Variants in DRC10 observed in about 807,000 individuals in gnomAD.
DRC10 encodes the protein IQ domain-containing protein D.
the DRC10 span, chr12:113,195,610 G>GCTTGCCCTTCTC: frequency 1.2e-6 from 2 of 1,608,570 alleles, no homozygotes; most frequent in Non-Finnish European, 1.7e-6. Flanking sequence ...TTGCCTTTCT[G>GCTTGCCCTTCTC]CTTGCCCTTC....
At chr12:113,217,503 C>G in the DRC10 span, among the ~76,000 whole-genome samples, 1 of 152,304 alleles carries the variant, frequency 6.6e-6, no homozygotes, top group Non-Finnish European at 1.5e-5. Context: ...AATCTGCAAA[C>G]AATCTCTGCT....
the DRC10 span, chr12:113,197,548 T>G: frequency 6.5e-7 from 1 of 1,531,686 alleles, no homozygotes; most frequent in African/African-American, 1.4e-5. Flanking sequence ...TACCTGCTTC[T>G]CACCCATCTC....
the DRC10 span, among the ~76,000 whole-genome samples, chr12:113,209,994 T>C: frequency 6.6e-6 from 1 of 152,132 alleles, no homozygotes; most frequent in African/African-American, 2.4e-5. Flanking sequence ...GGCATGGTGG[T>C]ACGCACCTGT....
chr12:113,197,348 G>A, the DRC10 span, among the ~76,000 whole-genome samples: 1 of 151,958 alleles, frequency 6.6e-6, no homozygotes, highest in East Asian at 1.9e-4. Context: ...TGCAGCTTCT[G>A]GCTCTTTTCT....
chr12:113,216,885 C>T, the DRC10 span, among the ~76,000 whole-genome samples: 2 of 151,976 alleles, frequency 1.3e-5, no homozygotes, highest in African/African-American at 2.4e-5. Flanking sequence ...GTCAAGAGTT[C>T]GAGACCAAGC....
the DRC10 span, among the ~76,000 whole-genome samples, chr12:113,196,711 G>A: frequency 2.6e-5 from 4 of 152,216 alleles, no homozygotes; most frequent in African/African-American, 4.8e-5. Context: ...GTGCTCTCCA[G>A]TGCTCCCCAG....
the DRC10 span, among the ~76,000 whole-genome samples, chr12:113,197,999 T>G: frequency 6.6e-6 from 1 of 152,162 alleles, no homozygotes. Flanking sequence ...GGCGGGTCAC[T>G]TGAGGCCAGG....
chr12:113,201,140 C>CAA, the DRC10 span, among the ~76,000 whole-genome samples: 1 of 144,746 alleles, frequency 6.9e-6, no homozygotes, highest in African/African-American at 2.5e-5. Context: ...GATTCCATCT[C>CAA]AAAAAAAAAA....
chr12:113,196,614 C>G, the DRC10 span, among the ~76,000 whole-genome samples: 6 of 152,194 alleles, frequency 3.9e-5, no homozygotes, highest in Admixed American at 6.5e-5. Context: ...TCTCCAGGCC[C>G]TGATGGTTGC....
At chr12:113,220,245 T>A in the DRC10 span, among the ~76,000 whole-genome samples, 2 of 152,124 alleles carry the variant, frequency 1.3e-5, no homozygotes, top group Non-Finnish European at 2.9e-5. Context: ...AGTGGTGTAA[T>A]AAAAATTACC....
the DRC10 span, chr12:113,206,088 T>G: frequency 6.9e-6 from 1 of 145,176 alleles, no homozygotes; most frequent in Non-Finnish European, 1.5e-5. Context: ...GGTATGGTGG[T>G]GGGCACCTGT....
the DRC10 span, among the ~76,000 whole-genome samples, chr12:113,204,486 T>C: frequency 1.3e-5 from 2 of 152,272 alleles, no homozygotes; most frequent in African/African-American, 4.8e-5. Flanking sequence ...TATTTGTAAG[T>C]AAAGTTTTGT....
At chr12:113,221,079 G>A in the DRC10 span, 18 of 435,370 alleles carry the variant, frequency 4.1e-5, no homozygotes, top group Non-Finnish European at 7.5e-5. Context: ...ATCTCAGAAG[G>A]CGAGACTCGG....
chr12:113,195,960 C>T, the DRC10 span: 1 of 1,515,082 alleles, frequency 6.6e-7, no homozygotes, highest in African/African-American at 1.4e-5. Context: ...CTGAGGCCCC[C>T]TTACCCTTCC....
At chr12:113,207,003 T>A in the DRC10 span, among the ~76,000 whole-genome samples, 1 of 152,136 alleles carries the variant, frequency 6.6e-6, no homozygotes, top group Admixed American at 6.6e-5. Context: ...GAGGCTGCAG[T>A]GTGCTGTGAT....
chr12:113,220,629 C>G, the DRC10 span, among the ~76,000 whole-genome samples: 1 of 152,182 alleles, frequency 6.6e-6, no homozygotes. Context: ...TGCCTGCTCA[C>G]CGAGGAACGT....
chr12:113,201,869 C>G, the DRC10 span, among the ~76,000 whole-genome samples: 1 of 152,220 alleles, frequency 6.6e-6, no homozygotes, highest in Admixed American at 6.5e-5. Context: ...AGGCACCAGG[C>G]GCTGGGAATA....
the DRC10 span, chr12:113,197,665 G>A: frequency 9.1e-7 from 1 of 1,100,414 alleles, no homozygotes. Flanking sequence ...ACAATCAACA[G>A]CACTGAGCAC....
At chr12:113,209,018 G>T in the DRC10 span, among the ~76,000 whole-genome samples, 1 of 152,170 alleles carries the variant, frequency 6.6e-6, no homozygotes, top group Admixed American at 6.5e-5. Flanking sequence ...TGCAACCTCT[G>T]CCTCCTGGGT....
Sources: gnomAD v4.1 joint callset for allele counts (sites outside exome capture counted in the v4.1 genomes callset) on GRCh38, gnomAD v4.1.1 for gene constraint, MANE v1.5 for transcripts, NCBI Gene and HGNC (gene_info 2026-07-23, HGNC 2026-07-21) for gene names.